The following NRXN3 variants were observed in gnomAD, a reference collection of about 807,000 sequenced individuals.
The protein encoded by NRXN3 is neurexin III.
In NRXN3, 32 loss-of-function variants were observed where a neutral mutation model predicts 137.6. The observed-to-expected ratio is 0.23, with a 90% CI of 0.18 to 0.31. The LOEUF (loss-of-function observed/expected upper bound fraction) is 0.31, where lower values mean the gene tolerates loss of function less well. Among genes scored for constraint, NRXN3 ranks in the 10% least tolerant of loss-of-function variants. NRXN3 has a pLI of 1.00. For missense variants in NRXN3, 1,574 were observed against 2,062.5 expected (o/e 0.76, Z 4.59); for synonymous variants, 798 against 784.5 (o/e 1.02, Z -0.29).
chr14:78,817,576 C>A (rs146132730), intron 10 of NRXN3, among the ~76,000 whole-genome samples: 2 of 152,030 alleles, frequency 1.3e-5, no homozygotes, highest in African/African-American at 4.8e-5. Flanking sequence ...GTTTCAAGAG[C>A]GGGCAGTTGC....
chr14:79,104,756 T>C (rs2052051068), intron 15 of NRXN3, among the ~76,000 whole-genome samples: 2 of 152,122 alleles, frequency 1.3e-5, no homozygotes, highest in Admixed American at 1.3e-4. Context: ...TTAAAGGAAA[T>C]TCACCTTTCC....
At chr14:79,798,998 A>G (rs1364205499) in intron 19 of NRXN3, among the ~76,000 whole-genome samples, 2 of 152,186 alleles carry the variant, frequency 1.3e-5, no homozygotes, top group Admixed American at 6.5e-5. Context: ...CCATAAATTT[A>G]CTTGGGTGGA....
intron 16 of NRXN3, among the ~76,000 whole-genome samples, chr14:79,606,259 A>G (rs2098014876): frequency 6.6e-6 from 1 of 152,186 alleles, no homozygotes; most frequent in Non-Finnish European, 1.5e-5. Context: ...TAAATAAACA[A>G]CAAACCAACC....
At chr14:79,316,729 C>CTCTCTCT (rs1555372929) in intron 15 of NRXN3, among the ~76,000 whole-genome samples, 1 of 137,940 alleles carries the variant, frequency 7.2e-6, no homozygotes, top group African/African-American at 2.8e-5. Context: ...CTGTCCTGTC[C>CTCTCTCT]CTCTCTCTCT....
chr14:79,653,573 C>T (rs2153975135), intron 16 of NRXN3, among the ~76,000 whole-genome samples: 1 of 152,314 alleles, frequency 6.6e-6, no homozygotes, highest in Non-Finnish European at 1.5e-5. Flanking sequence ...GCATCTGCAG[C>T]TGACCTCCTT....
At chr14:79,040,102 T>C (rs938061425) in intron 15 of NRXN3, among the ~76,000 whole-genome samples, 3 of 152,186 alleles carry the variant, frequency 2.0e-5, no homozygotes, top group African/African-American at 7.2e-5. Flanking sequence ...CCTGGATAAT[T>C]TCCTTTATAG....
intron 16 of NRXN3, among the ~76,000 whole-genome samples, chr14:79,556,557 T>C (rs958191625): frequency 6.6e-6 from 1 of 152,174 alleles, no homozygotes; most frequent in South Asian, 2.1e-4. Flanking sequence ...TGCCTGTTTG[T>C]TCTATTTATT....
chr14:79,820,284 G>A lies in NRXN3; in HGVS notation c.4093+15094G>A, dbSNP rs76589820. ...TATCTAGGACTCCTGCCTGCATTGC[G>A]AGCAAAAGCATGTATTTATATCTTA... is the stretch of plus-strand genomic sequence containing the variant. On this transcript the variant is annotated intron_variant, in intron 20 of 20. Coordinates refer to ENST00000335750, the MANE Select transcript of NRXN3 (RefSeq NM_001330195.2). 1.8e-3 allele frequency among the ~76,000 whole-genome samples: 280 copies of A among 152,210 alleles called. 2 individuals carry two copies. The highest frequency in any genetic ancestry group is 5.3e-3 in the African/African-American group (218 of 41,506).
intron 4 of NRXN3, among the ~76,000 whole-genome samples, chr14:78,607,033 A>G (rs921714635): frequency 1.1e-4 from 16 of 152,160 alleles, no homozygotes; most frequent in African/African-American, 3.6e-4. Context: ...TGGCATGCTC[A>G]TAATTTCTAT....
At chr14:79,519,865 T>A (rs566270602) in intron 16 of NRXN3, among the ~76,000 whole-genome samples, 166 of 151,998 alleles carry the variant, frequency 1.1e-3, no homozygotes, top group Admixed American at 2.6e-3. Context: ...AAGATTTTTT[T>A]AATTTTCAAT....
rs115017408 is a variant in NRXN3 at position 79,186,124 on chromosome 14, G to T, written c.3262+197983G>T. 2.0e-3 allele frequency among the ~76,000 whole-genome samples: 305 copies of T among 152,170 alleles called. 1 individual carries two copies. The highest frequency in any genetic ancestry group is 6.4e-3 in the African/African-American group (264 of 41,510). On this transcript the variant is annotated intron_variant, in intron 15 of 20. Coordinates refer to ENST00000335750, the MANE Select transcript of NRXN3 (RefSeq NM_001330195.2). ...TGATACATGCAAAATAGTTAGAATA[G>T]TATTTGCCTGGCATACCTTAAGCAC... is the stretch of plus-strand genomic sequence containing the variant.
intron 15 of NRXN3, among the ~76,000 whole-genome samples, chr14:79,051,323 T>A (rs1256729517): frequency 6.6e-6 from 1 of 152,230 alleles, no homozygotes; most frequent in Non-Finnish European, 1.5e-5. Flanking sequence ...AAGTGGTTTA[T>A]TTCATTTGAA....
At chr14:79,591,724 A>G (rs2097804866) in intron 16 of NRXN3, among the ~76,000 whole-genome samples, 1 of 152,176 alleles carries the variant, frequency 6.6e-6, no homozygotes, top group Non-Finnish European at 1.5e-5. Context: ...TTCTAACTCA[A>G]TATTTTAAGG....
chr14:79,786,853 G>T (rs907757726), intron 19 of NRXN3, among the ~76,000 whole-genome samples: 1 of 152,106 alleles, frequency 6.6e-6, no homozygotes, highest in African/African-American at 2.4e-5. Flanking sequence ...ATTTTACAGG[G>T]CATTTATTCA....
chr14:79,122,132 G>A (rs1365022783), intron 15 of NRXN3, among the ~76,000 whole-genome samples: 2 of 152,164 alleles, frequency 1.3e-5, no homozygotes, highest in Non-Finnish European at 2.9e-5. Flanking sequence ...ACCACGAATA[G>A]CTGACAAATA....
intron 4 of NRXN3, among the ~76,000 whole-genome samples, chr14:78,462,577 A>T (rs895117339): frequency 1.6e-4 from 25 of 152,204 alleles, no homozygotes; most frequent in African/African-American, 6.0e-4. Flanking sequence ...AGCTCCCCTT[A>T]TCAGACATCT....
intron 16 of NRXN3, among the ~76,000 whole-genome samples, chr14:79,656,742 C>T (rs917977415): frequency 4.0e-5 from 6 of 151,852 alleles, no homozygotes; most frequent in Admixed American, 2.0e-4. Context: ...TGATTGACCT[C>T]GTGCAACCAG....
At chr14:79,377,476 G>T (rs1192418768) in intron 15 of NRXN3, among the ~76,000 whole-genome samples, 1 of 152,114 alleles carries the variant, frequency 6.6e-6, no homozygotes, top group Non-Finnish European at 1.5e-5. Context: ...TATGTCGGCT[G>T]TGCATAGTGG....
chr14:78,642,146 G>C (rs1380266647), intron 4 of NRXN3, among the ~76,000 whole-genome samples: 1 of 152,148 alleles, frequency 6.6e-6, no homozygotes, highest in Non-Finnish European at 1.5e-5. Flanking sequence ...GGAGCATCTG[G>C]AATATCCAGA....
Sources: gnomAD v4.1 joint callset for allele counts (sites outside exome capture counted in the v4.1 genomes callset) on GRCh38, gnomAD v4.1.1 for gene constraint, MANE v1.5 for transcripts, NCBI Gene and HGNC (gene_info 2026-07-23, HGNC 2026-07-21) for gene names.